ANKRD36C: variants seen among roughly 807,000 people sequenced by gnomAD.
The protein encoded by ANKRD36C is ankyrin repeat domain 36C, also known as ankyrin repeat domain-containing protein 36C.
A neutral mutation model predicts 276.4 loss-of-function variants in ANKRD36C; 61 were observed. That is an observed-to-expected ratio of 0.22 (90% CI 0.18 to 0.27). ANKRD36C has a LOEUF of 0.27. Among genes scored for constraint, ANKRD36C ranks in the 10% least tolerant of loss-of-function variants. ANKRD36C has a pLI of 1.00. For synonymous variants in ANKRD36C, 483 were observed against 680.1 expected (o/e 0.71, Z 4.51); for missense variants, 1,447 against 2,032.3 (o/e 0.71, Z 5.54).
exon 3 of ANKRD36C, chr2:95,986,857 G>A (rs752016650): frequency 3.7e-6 from 6 of 1,611,832 alleles, no homozygotes; most frequent in Non-Finnish European, 4.2e-6. Context: ...AAAGACATCC[G>A]TAATATTTGG....
chr2:95,949,436 T>A (rs1443898372), intron 16 of ANKRD36C, among the ~76,000 whole-genome samples: 1 of 152,048 alleles, frequency 6.6e-6, no homozygotes, highest in Non-Finnish European at 1.5e-5. Flanking sequence ...TTCCTTCCTA[T>A]GGGCTCCCCC....
chr2:95,910,258 C>G, intron 42 of ANKRD36C, 115 bp downstream of exon 46: 1 of 1,208,396 alleles, frequency 8.3e-7, no homozygotes, highest in South Asian at 1.4e-5. Context: ...GAAGAATCTC[C>G]GGCCTGCTGA....
chr2:95,867,013 G>A (rs1298241942), intron 60 of ANKRD36C, among the ~76,000 whole-genome samples: 1 of 152,094 alleles, frequency 6.6e-6, no homozygotes, highest in Non-Finnish European at 1.5e-5. Flanking sequence ...ATGGCAGCTG[G>A]GTTTTCAGCA....
chr2:95,911,712 T>G (rs1676931404), intron 42 of ANKRD36C, among the ~76,000 whole-genome samples: 1 of 151,434 alleles, frequency 6.6e-6, no homozygotes, highest in South Asian at 2.1e-4. Flanking sequence ...TGAAGTGAGT[T>G]CACTCAGGAT....
intron 62 of ANKRD36C, among the ~76,000 whole-genome samples, chr2:95,857,020 T>C (rs74918449): frequency 2.0e-5 from 3 of 152,148 alleles, no homozygotes; most frequent in Non-Finnish European, 4.4e-5. Flanking sequence ...ATGTAATTAA[T>C]ATGAAATAGG....
At chr2:95,957,148 T>C (rs1404628817) in intron 12 of ANKRD36C, among the ~76,000 whole-genome samples, 1 of 152,278 alleles carries the variant, frequency 6.6e-6, no homozygotes, top group Non-Finnish European at 1.5e-5. Context: ...AAAGCCGGTC[T>C]CTAGTAAAAA....
chr2:95,959,282 C>G (rs1275912274), intron 10 of ANKRD36C, among the ~76,000 whole-genome samples: 1 of 151,826 alleles, frequency 6.6e-6, no homozygotes, highest in East Asian at 1.9e-4. Flanking sequence ...TGTACACTTC[C>G]CAAGTGCTCT....
intron 61 of ANKRD36C, among the ~76,000 whole-genome samples, chr2:95,858,785 A>C (rs866656039): frequency 1.3e-5 from 2 of 152,136 alleles, no homozygotes; most frequent in Non-Finnish European, 2.9e-5. Context: ...TACACTTTTT[A>C]AGATTGTTTT....
At chr2:95,976,926 T>C (rs1678823720) in intron 6 of ANKRD36C, among the ~76,000 whole-genome samples, 1 of 152,042 alleles carries the variant, frequency 6.6e-6, no homozygotes, top group African/African-American at 2.4e-5. Flanking sequence ...CTCATTCTCC[T>C]TCACCAACTC....
chr2:95,852,066 T>G, intron 65 of ANKRD36C, 60 bp downstream of exon 85: 1 of 1,513,282 alleles, frequency 6.6e-7, no homozygotes, highest in Middle Eastern at 2.3e-4. Context: ...ATTTTCATAC[T>G]ACAGTGCTCC....
chr2:95,960,406 A>C, intron 10 of ANKRD36C, 67 bp downstream of exon 10: 2 of 1,529,406 alleles, frequency 1.3e-6, no homozygotes, highest in South Asian at 2.4e-5. Context: ...CTGCTGATTT[A>C]TTCGGGGAAG....
At chr2:95,870,755 T>A (rs1189966186) in intron 59 of ANKRD36C, among the ~76,000 whole-genome samples, 1 of 152,088 alleles carries the variant, frequency 6.6e-6, no homozygotes, top group African/African-American at 2.4e-5. Context: ...GCGAAGAAGT[T>A]AAAAACTTTG....
At chr2:95,983,172 G>A (rs1199537997) in intron 3 of ANKRD36C, among the ~76,000 whole-genome samples, 1 of 151,194 alleles carries the variant, frequency 6.6e-6, no homozygotes. Flanking sequence ...ATTCTGACAC[G>A]ATTGACAGTT....
chr2:95,859,720 A>G, intron 61 of ANKRD36C, 141 bp downstream of exon 81: 1 of 944,314 alleles, frequency 1.1e-6, no homozygotes, highest in Non-Finnish European at 1.5e-6. Flanking sequence ...TATTATATCC[A>G]ATAATTTCAC....
chr2:95,965,543 A>C (rs1443414419), intron 6 of ANKRD36C, among the ~76,000 whole-genome samples: 2 of 152,182 alleles, frequency 1.3e-5, no homozygotes, highest in Non-Finnish European at 2.9e-5. Flanking sequence ...CAACACAGCC[A>C]TGGGAGAGAT....
rs1206869179 is a variant in ANKRD36C at position 95,916,187 on chromosome 2, G to C, written c.2348-16C>G. 5 of 1,603,698 alleles carry C rather than the reference G, an allele frequency of 3.1e-6. No homozygotes were observed. Among genetic ancestry groups the C allele is most frequent in the East Asian group, 2.2e-5 (1 of 44,612 alleles). ...CGAGAAGACACTGAAAAGCAAAAGG[G>C]ACACGTAATCACTCACTCGTAAATA... On this transcript the variant is annotated splice_polypyrimidine_tract_variant and intron_variant, in intron 36 of 66. Transcript: ENST00000456556.
At chr2:95,987,281 A>C in intron 1 of ANKRD36C, 75 bp from the exon 2 acceptor site, 12 of 1,479,212 alleles carry the variant, frequency 8.1e-6, no homozygotes, top group Non-Finnish European at 1.1e-5. Flanking sequence ...TGTCTTCAAA[A>C]CAAATATGTA....
intron 10 of ANKRD36C, 43 bp from the exon 11 acceptor site, chr2:95,958,828 GATAA>G: frequency 6.7e-7 from 1 of 1,501,296 alleles, no homozygotes; most frequent in Non-Finnish European, 8.9e-7. Context: ...ATGTAAATAT[GATAA>G]AGTTATCCAT....
At chr2:95,892,228 G>A (rs562494049) in intron 44 of ANKRD36C, among the ~76,000 whole-genome samples, 4 of 151,592 alleles carry the variant, frequency 2.6e-5, no homozygotes, top group South Asian at 2.1e-4. Context: ...GATCCCACAT[G>A]TCTTTCATGC....
Sources: allele counts gnomAD v4.1 joint callset (sites outside exome capture counted in the v4.1 genomes callset), GRCh38; gene constraint gnomAD v4.1.1; transcripts MANE v1.5; gene names NCBI Gene and HGNC (gene_info 2026-07-23, HGNC 2026-07-21).